Variants in C11orf65 observed in about 807,000 individuals in gnomAD.
The protein encoded by C11orf65 is chromosome 11 open reading frame 65, also known as protein MFI.
In C11orf65, 38 loss-of-function variants were observed where a neutral mutation model predicts 35.3. The observed-to-expected ratio is 1.08, with a 90% CI of 0.83 to 1.41. The LOEUF (loss-of-function observed/expected upper bound fraction) is 1.41, where lower values mean the gene tolerates loss of function less well. Ranked by LOEUF, C11orf65 falls within the 40% of genes most tolerant of loss-of-function variation. The probability of loss-of-function intolerance (pLI) is 0.00; values close to 1 mark genes in which losing one functional copy is unlikely to be tolerated. For missense variants in C11orf65, 370 were observed against 367.1 expected, an observed-to-expected ratio of 1.01 and a Z score of -0.06; for synonymous variants, 105 against 114.4, an observed-to-expected ratio of 0.92 and a Z score of 0.53.
chr11:108,429,582 G>A (rs1037824303), intron 3 of C11orf65, among the ~76,000 whole-genome samples: 1 of 152,254 alleles, frequency 6.6e-6, no homozygotes, highest in Non-Finnish European at 1.5e-5. Flanking sequence ...AAACAGTATG[G>A]TTGTTCCTAA....
At chr11:108,356,841 A>AC (rs1206001856) in intron 2 of C11orf65, among the ~76,000 whole-genome samples, 5 of 152,148 alleles carry the variant, frequency 3.3e-5, no homozygotes. Flanking sequence ...CATTGTAAGG[A>AC]CTTTGGATTT....
intron 2 of C11orf65, among the ~76,000 whole-genome samples, chr11:108,432,242 C>T (rs1219341609): frequency 3.9e-5 from 6 of 152,152 alleles, no homozygotes; most frequent in Non-Finnish European, 8.8e-5. Context: ...AGTTGCTTAA[C>T]CTCTTTGCAC....
chr11:108,335,165 G>C, intron 3 of C11orf65: 6 of 1,611,270 alleles, frequency 3.7e-6, no homozygotes, highest in East Asian at 2.2e-5. Context: ...AAAATTTTTA[G>C]TTCATATTTT....
chr11:108,326,324 G>T, intron 6 of C11orf65: 1 of 1,414,084 alleles, frequency 7.1e-7, no homozygotes. Context: ...TTAGAGCCTT[G>T]AAATTAGTAA....
intron 1 of C11orf65, among the ~76,000 whole-genome samples, chr11:108,463,992 T>C (rs2093502464): frequency 6.7e-6 from 1 of 148,874 alleles, no homozygotes; most frequent in South Asian, 2.1e-4. Context: ...AGAGACATCA[T>C]CTCAGCTCAC....
intron 3 of C11orf65, among the ~76,000 whole-genome samples, chr11:108,420,367 G>A (rs1317398148): frequency 6.6e-6 from 1 of 152,196 alleles, no homozygotes; most frequent in Non-Finnish European, 1.5e-5. Flanking sequence ...GGCAGAAGAA[G>A]AGTTGGAACT....
intron 3 of C11orf65, among the ~76,000 whole-genome samples, chr11:108,429,921 C>T (rs2092961020): frequency 6.6e-6 from 1 of 152,086 alleles, no homozygotes; most frequent in African/African-American, 2.4e-5. Context: ...AATTCCACTC[C>T]TATGAGGTAA....
chr11:108,335,936 G>C (rs75305387), intron 2 of C11orf65: 1 of 1,612,890 alleles, frequency 6.2e-7, no homozygotes, highest in Non-Finnish European at 8.5e-7. Flanking sequence ...ACTAGGAAGA[G>C]GAAATTAACT....
intron 2 of C11orf65, among the ~76,000 whole-genome samples, chr11:108,363,074 A>G (rs1275232527): frequency 6.6e-6 from 1 of 152,188 alleles, no homozygotes; most frequent in African/African-American, 2.4e-5. Context: ...GAATTTCCCC[A>G]AATCATTTGG....
intron 2 of C11orf65, among the ~76,000 whole-genome samples, chr11:108,458,823 C>A (rs2093437157): frequency 6.6e-6 from 1 of 152,246 alleles, no homozygotes; most frequent in East Asian, 1.9e-4. Flanking sequence ...CCAGTCCTGT[C>A]CCCAGAACCA....
intron 2 of C11orf65, among the ~76,000 whole-genome samples, chr11:108,337,989 C>A (rs1418576142): frequency 6.6e-6 from 1 of 152,262 alleles, no homozygotes; most frequent in African/African-American, 2.4e-5. Context: ...GAACTTTCAT[C>A]TCTACCTTAT....
At chr11:108,448,860 G>A (rs1205312945) in intron 2 of C11orf65, among the ~76,000 whole-genome samples, 6 of 152,156 alleles carry the variant, frequency 3.9e-5, no homozygotes, top group Non-Finnish European at 5.9e-5. Flanking sequence ...GTTTGCAGAC[G>A]ACATGATTGT....
chr11:108,364,279 A>C (rs2091103338), intron 2 of C11orf65, among the ~76,000 whole-genome samples: 1 of 152,176 alleles, frequency 6.6e-6, no homozygotes, highest in Non-Finnish European at 1.5e-5. Flanking sequence ...TATTGTCTCC[A>C]CTTATTACTA....
chr11:108,329,557 G>T (rs571231870), downstream of C11orf65, among the ~76,000 whole-genome samples: 270 of 152,156 alleles, frequency 1.8e-3, no homozygotes, highest in Non-Finnish European at 3.0e-3. Flanking sequence ...GGGGCTACAG[G>T]TGCACGCCAT....
At chr11:108,331,736 C>T in intron 3 of C11orf65, 1 of 1,287,136 alleles carries the variant, frequency 7.8e-7, no homozygotes, top group Non-Finnish European at 1.1e-6. Context: ...AGGCCTCTGC[C>T]TTTTTCTCAC....
chr11:108,324,376 ATAG>A (rs757978090), intron 6 of C11orf65, among the ~76,000 whole-genome samples: 9 of 152,120 alleles, frequency 5.9e-5, no homozygotes, highest in South Asian at 4.1e-4. Flanking sequence ...TTTATGATAT[ATAG>A]TAGATTTATT....
At chr11:108,383,694 A>G (rs974904439) in intron 8 of C11orf65, among the ~76,000 whole-genome samples, 8 of 152,120 alleles carry the variant, frequency 5.3e-5, no homozygotes, top group Admixed American at 4.6e-4. Context: ...AGTGACACAC[A>G]TTATCCTCTT....
At chr11:108,388,106 T>C (rs2138348240) in intron 7 of C11orf65, among the ~76,000 whole-genome samples, 2 of 152,256 alleles carry the variant, frequency 1.3e-5, no homozygotes, top group African/African-American at 4.8e-5. Flanking sequence ...CTTGCTTGGA[T>C]TTATACACAG....
chr11:108,417,640 C>G (rs569236190), intron 3 of C11orf65, among the ~76,000 whole-genome samples: 2 of 151,588 alleles, frequency 1.3e-5, no homozygotes, highest in Admixed American at 1.3e-4. Flanking sequence ...AGTAAAATGA[C>G]AGGAAAGATG....
Sources: allele counts gnomAD v4.1 joint callset (sites outside exome capture counted in the v4.1 genomes callset), GRCh38; gene constraint gnomAD v4.1.1; transcripts MANE v1.5; gene names NCBI Gene and HGNC (gene_info 2026-07-23, HGNC 2026-07-21).